HMGB1: variants seen among roughly 807,000 people sequenced by gnomAD.
The protein encoded by HMGB1 is high mobility group box 1.
For missense variants in HMGB1, 79 were observed against 253.5 expected (o/e 0.31, Z 4.67); for synonymous variants, 81 against 84.0 (o/e 0.96, Z 0.19).
At chr13:30,534,616 C>CTTTT (rs1216929821) in intron 1 of HMGB1, among the ~76,000 whole-genome samples, 25 of 124,712 alleles carry the variant, frequency 2.0e-4, no homozygotes, top group East Asian at 2.2e-4. Flanking sequence ...GTTCAAGCTG[C>CTTTT]TTTTTTTTTT....
At chr13:30,465,979 C>T, upstream of HMGB1, 1 of 985,802 alleles carries the variant, frequency 1.0e-6, no homozygotes, top group Non-Finnish European at 1.2e-6. Flanking sequence ...CGCCAACTCA[C>T]GGGGCTCGCT....
At chr13:30,522,730 A>G (rs1286649177) in intron 1 of HMGB1, among the ~76,000 whole-genome samples, 2 of 82,882 alleles carry the variant, frequency 2.4e-5, no homozygotes, top group Non-Finnish European at 4.8e-5. Context: ...AAACAAGTCT[A>G]AAAGTCTTTT....
At chr13:30,555,033 GTTTTTTTT>G (rs1007919529) in intron 1 of HMGB1, among the ~76,000 whole-genome samples, 20 of 72,440 alleles carry the variant, frequency 2.8e-4, no homozygotes, top group African/African-American at 8.0e-4. Flanking sequence ...GTGTCGTTGT[GTTTTTTTT>G]TTTTTTTTTT....
intron 1 of HMGB1, among the ~76,000 whole-genome samples, chr13:30,552,607 T>C (rs78605739): frequency 0.01 from 1,565 of 152,304 alleles, 23 homozygotes; most frequent in African/African-American, 0.035. Context: ...TATCATATTG[T>C]CTATTTTCTT....
At chr13:30,474,386 G>C (rs1422049048) in intron 1 of HMGB1, among the ~76,000 whole-genome samples, 1 of 152,068 alleles carries the variant, frequency 6.6e-6, no homozygotes, top group Non-Finnish European at 1.5e-5. Flanking sequence ...TCTATTATTG[G>C]AGTTACATAT....
chr13:30,571,789 G>T (rs1365629952), intron 1 of HMGB1, among the ~76,000 whole-genome samples: 1 of 152,080 alleles, frequency 6.6e-6, no homozygotes, highest in Non-Finnish European at 1.5e-5. Flanking sequence ...ATTAACAAAT[G>T]AAGAGTATAT....
At chr13:30,528,898 G>A (rs756580547) in intron 1 of HMGB1, among the ~76,000 whole-genome samples, 2 of 151,864 alleles carry the variant, frequency 1.3e-5, no homozygotes, top group Admixed American at 6.6e-5. Flanking sequence ...GCGTGGTGGC[G>A]GGCGCCTCTA....
At chr13:30,612,827 C>T (rs551158373) in intron 1 of HMGB1, among the ~76,000 whole-genome samples, 8 of 152,152 alleles carry the variant, frequency 5.3e-5, no homozygotes, top group Admixed American at 2.0e-4. Context: ...ACTTATAGAA[C>T]GTTATTTTGT....
chr13:30,492,121 T>C (rs565788739), intron 1 of HMGB1, among the ~76,000 whole-genome samples: 1 of 151,458 alleles, frequency 6.6e-6, no homozygotes, highest in Non-Finnish European at 1.5e-5. Context: ...TGAGCCAAGA[T>C]TGCACCACTG....
chr13:30,504,926 T>C (rs1169224886), intron 1 of HMGB1, among the ~76,000 whole-genome samples: 1 of 152,130 alleles, frequency 6.6e-6, no homozygotes, highest in African/African-American at 2.4e-5. Context: ...AATGAAGTAT[T>C]AGTGTCAATT....
At chr13:30,466,590 T>A (rs1886794958), upstream of HMGB1, among the ~76,000 whole-genome samples, 1 of 152,206 alleles carries the variant, frequency 6.6e-6, no homozygotes, top group African/African-American at 2.4e-5. Flanking sequence ...CACGTCAGGC[T>A]CGCTGAGCAG....
chr13:30,489,197 C>G (rs918981055), intron 1 of HMGB1, among the ~76,000 whole-genome samples: 1 of 152,122 alleles, frequency 6.6e-6, no homozygotes, highest in Non-Finnish European at 1.5e-5. Flanking sequence ...CTAGGCACTT[C>G]TAAAAACTCT....
chr13:30,590,998 G>A (rs1455276892), intron 1 of HMGB1, among the ~76,000 whole-genome samples: 1 of 150,912 alleles, frequency 6.6e-6, no homozygotes, highest in East Asian at 1.9e-4. Flanking sequence ...GACTAAGGCA[G>A]GATAACAGGT....
intron 1 of HMGB1, chr13:30,554,164 T>C (rs764405456): frequency 2.9e-4 from 388 of 1,355,648 alleles, no homozygotes; most frequent in Non-Finnish European, 3.5e-4. Flanking sequence ...AAAATATCAA[T>C]AGTGGTGAAA....
At chr13:30,517,115 A>G (rs1240150782) in intron 1 of HMGB1, among the ~76,000 whole-genome samples, 3 of 152,248 alleles carry the variant, frequency 2.0e-5, no homozygotes, top group African/African-American at 7.2e-5. Flanking sequence ...TTCTTGGTCT[A>G]GTTCAGTGGT....
chr13:30,496,864 A>G (rs1593275626), intron 1 of HMGB1, among the ~76,000 whole-genome samples: 1 of 151,982 alleles, frequency 6.6e-6, no homozygotes, highest in African/African-American at 2.4e-5. Context: ...CATCAGATCA[A>G]TGCCTGCTCC....
At chr13:30,603,654 CCAG>C (rs1376591437) in intron 1 of HMGB1, among the ~76,000 whole-genome samples, 1 of 152,132 alleles carries the variant, frequency 6.6e-6, no homozygotes, top group African/African-American at 2.4e-5. Flanking sequence ...CCAGGTGAGA[CCAG>C]CAGAAGCACT....
intron 1 of HMGB1, among the ~76,000 whole-genome samples, chr13:30,527,611 G>A (rs900486303): frequency 2.0e-5 from 3 of 152,014 alleles, no homozygotes; most frequent in African/African-American, 4.8e-5. Flanking sequence ...AACAGAAGGC[G>A]CCGATACAGT....
intron 1 of HMGB1, among the ~76,000 whole-genome samples, chr13:30,497,335 T>C (rs1887631172): frequency 6.6e-6 from 1 of 152,102 alleles, no homozygotes; most frequent in South Asian, 2.1e-4. Context: ...CAAGCGATTC[T>C]CCTGCCTCAG....
Sources: gnomAD v4.1 joint callset for allele counts (sites outside exome capture counted in the v4.1 genomes callset) on GRCh38, gnomAD v4.1.1 for gene constraint, MANE v1.5 for transcripts, NCBI Gene and HGNC (gene_info 2026-07-23, HGNC 2026-07-21) for gene names.